MICU2: variants seen among roughly 807,000 people sequenced by gnomAD.
MICU2 encodes mitochondrial calcium uptake 2, also known as calcium uptake protein 2, mitochondrial.
A neutral mutation model predicts 60.4 loss-of-function variants in MICU2; 64 were observed. The ratio of observed to expected loss-of-function variants is 1.06; its 90% CI spans 0.87 to 1.31. MICU2 has a LOEUF of 1.31. Among genes scored for constraint, MICU2 ranks in the 50% most tolerant of loss-of-function variants. MICU2 has a pLI of 0.00. For missense variants in MICU2, 569 were observed against 531.0 expected, an observed-to-expected ratio of 1.07 and a Z score of -0.70; for synonymous variants, 201 against 175.0, an observed-to-expected ratio of 1.15 and a Z score of -1.17.
chr13:21,592,870 A>G (rs1888612881), intron 1 of MICU2, among the ~76,000 whole-genome samples: 1 of 152,234 alleles, frequency 6.6e-6, no homozygotes, highest in African/African-American at 2.4e-5. Flanking sequence ...CATATCTCAA[A>G]ATAATAAGAG....
rs1296945912 is a variant in MICU2 at position 21,552,643 on chromosome 13, A to C, written c.359-12955T>G. On this transcript the variant is annotated intron_variant, in intron 2 of 11. Transcript: ENST00000382374. ...GAAGGGATCCAGTTTCAGCTTTCTA[A>C]ATATGGCTAGCCAGTTTTCCCAGCA... Among the ~76,000 whole-genome samples the C allele has an allele frequency of 2.0e-4, 31 of 152,186 alleles. 1 individual carries two copies. The highest frequency in any genetic ancestry group is 3.4e-3 in the Middle Eastern group (1 of 294).
intron 2 of MICU2, among the ~76,000 whole-genome samples, chr13:21,557,013 T>C (rs1256144210): frequency 6.6e-6 from 1 of 152,154 alleles, no homozygotes; most frequent in African/African-American, 2.4e-5. Context: ...TATTTGCAAG[T>C]AGTTATTCAA....
At chr13:21,549,616 T>C (rs994162648) in intron 2 of MICU2, among the ~76,000 whole-genome samples, 2 of 131,886 alleles carry the variant, frequency 1.5e-5, no homozygotes, top group Non-Finnish European at 3.5e-5. Flanking sequence ...TTTACATATT[T>C]ATTTGCAAAA....
At chr13:21,530,998 C>T in intron 4 of MICU2, 2 of 795,532 alleles carry the variant, frequency 2.5e-6, no homozygotes, top group Non-Finnish European at 4.6e-6. Context: ...AAACTAGTAC[C>T]ACATAATGAA....
chr13:21,564,990 A>C (rs1887940345), intron 2 of MICU2, among the ~76,000 whole-genome samples: 1 of 152,150 alleles, frequency 6.6e-6, no homozygotes, highest in Admixed American at 6.5e-5. Flanking sequence ...TTCTGTTGGT[A>C]GTAAGCTGAC....
chr13:21,596,722 C>A (rs1225986693), intron 1 of MICU2, among the ~76,000 whole-genome samples: 1 of 152,156 alleles, frequency 6.6e-6, no homozygotes, highest in East Asian at 1.9e-4. Context: ...CTATGCCCGG[C>A]CTCACATTCA....
chr13:21,513,739 CAAAAAAAAA>C (rs376128312), intron 7 of MICU2, among the ~76,000 whole-genome samples: 4 of 59,112 alleles, frequency 6.8e-5, no homozygotes, highest in Admixed American at 3.3e-4. Context: ...GACTCTGTCT[CAAAAAAAAA>C]AAAAAAAAAA....
chr13:21,506,303 G>A (rs954069853), intron 8 of MICU2, among the ~76,000 whole-genome samples: 1 of 152,018 alleles, frequency 6.6e-6, no homozygotes, highest in East Asian at 1.9e-4. Context: ...GGTGTGAGCC[G>A]CCGCGCCCAG....
chr13:21,579,201 T>C (rs947676058), intron 1 of MICU2, among the ~76,000 whole-genome samples: 1 of 152,236 alleles, frequency 6.6e-6, no homozygotes, highest in Non-Finnish European at 1.5e-5. Context: ...CTAAGATACA[T>C]GCAATTCATA....
chr13:21,568,581 T>C (rs930977392), intron 1 of MICU2, among the ~76,000 whole-genome samples: 2 of 152,198 alleles, frequency 1.3e-5, no homozygotes, highest in Admixed American at 6.5e-5. Flanking sequence ...AACCAACAAC[T>C]TGATCCTTTT....
chr13:21,571,464 G>A lies in MICU2; in HGVS notation c.211-4520C>T, dbSNP rs554303094. ...TGTAATCCCAGCACTTTGGGAGGCC[G>A]AGATGGGTGGATCACGAGGTCAGGA... On this transcript the variant is annotated intron_variant, in intron 1 of 11. Coordinates refer to ENST00000382374, the MANE Select transcript of MICU2 (RefSeq NM_152726.3). Among the ~76,000 whole-genome samples the A allele has an allele frequency of 3.9e-5, 6 of 152,304 alleles. No individual in the cohort carries two copies. The East Asian group carries it at 7.7e-4, about 20-fold the overall frequency.
chr13:21,530,235 G>T (rs1045855120), intron 4 of MICU2, among the ~76,000 whole-genome samples: 1 of 152,080 alleles, frequency 6.6e-6, no homozygotes, highest in Non-Finnish European at 1.5e-5. Context: ...ATTTATCTTT[G>T]ACTCTGTAAT....
chr13:21,496,310 T>G (rs554501662), intron 9 of MICU2, 150 bp from the exon 10 acceptor site: 1 of 619,794 alleles, frequency 1.6e-6, no homozygotes, highest in South Asian at 2.1e-5. Context: ...TCTCTCTGTG[T>G]GCACACAGAA....
intron 1 of MICU2, among the ~76,000 whole-genome samples, chr13:21,586,531 T>C (rs921086624): frequency 6.6e-6 from 1 of 152,104 alleles, no homozygotes; most frequent in Non-Finnish European, 1.5e-5. Context: ...CGTCAGCCTG[T>C]CAAAGAGCTG....
intron 1 of MICU2, among the ~76,000 whole-genome samples, chr13:21,599,958 T>A (rs888650616): frequency 6.6e-6 from 1 of 152,262 alleles, no homozygotes; most frequent in African/African-American, 2.4e-5. Flanking sequence ...AATACCACTA[T>A]AGCTTGTTGC....
rs182025126 is a variant in MICU2, at chr13:21,559,075, T to C, written c.358+7722A>G. On this transcript the variant is annotated intron_variant, in intron 2 of 11. Coordinates refer to ENST00000382374, the MANE Select transcript of MICU2 (RefSeq NM_152726.3). ...GCATCCCAGACTCTTAGTTTTCTTATCCAATTTTAGTAGATTTTCTTAAAC... is the reference window on the plus strand; with the variant it reads ...GCATCCCAGACTCTTAGTTTTCTTACCCAATTTTAGTAGATTTTCTTAAAC... Among the ~76,000 whole-genome samples, 27 of 152,258 alleles carry C rather than the reference T, an allele frequency of 1.8e-4. No individual in the cohort carries two copies. In the East Asian group the frequency reaches 4.6e-3, roughly 26 times the overall value.
At chr13:21,571,730 T>C (rs537254202) in intron 1 of MICU2, among the ~76,000 whole-genome samples, 4 of 151,420 alleles carry the variant, frequency 2.6e-5, no homozygotes, top group Admixed American at 2.6e-4. Context: ...CAAAACAGAG[T>C]AGGAGATATT....
At chr13:21,524,776 A>G (rs879800171) in intron 4 of MICU2, among the ~76,000 whole-genome samples, 1 of 151,812 alleles carries the variant, frequency 6.6e-6, no homozygotes, top group Non-Finnish European at 1.5e-5. Flanking sequence ...GAATCCCACC[A>G]CCCATTCCTG....
At chr13:21,599,397 ATGATTTC>A (rs1888766158) in intron 1 of MICU2, among the ~76,000 whole-genome samples, 1 of 152,252 alleles carries the variant, frequency 6.6e-6, no homozygotes, top group South Asian at 2.1e-4. Context: ...CCTCCCTTCT[ATGATTTC>A]TGATTTTACA....
Sources: allele counts gnomAD v4.1 joint callset (sites outside exome capture counted in the v4.1 genomes callset), GRCh38; gene constraint gnomAD v4.1.1; transcripts MANE v1.5; gene names NCBI Gene and HGNC (gene_info 2026-07-23, HGNC 2026-07-21).